Variants in CELF4 observed in about 807,000 individuals in gnomAD.
The protein encoded by CELF4 is CUG-BP- and ETR-3-like factor 4.
A neutral mutation model predicts 59.9 loss-of-function variants in CELF4; 18 were observed. The observed-to-expected ratio is 0.30, with a 90% CI of 0.21 to 0.45. The LOEUF is 0.45. Ranked by LOEUF, CELF4 falls within the 20% of genes least tolerant of loss-of-function variation. CELF4 has a pLI of 1.00. For synonymous variants in CELF4, 261 were observed against 267.1 expected, an observed-to-expected ratio of 0.98 and a Z score of 0.22; for missense variants, 456 against 689.0, an observed-to-expected ratio of 0.66 and a Z score of 3.79.
At chr18:37,556,530 T>A (rs1241557349) in intron 1 of CELF4, among the ~76,000 whole-genome samples, 1 of 152,170 alleles carries the variant, frequency 6.6e-6, no homozygotes, top group Non-Finnish European at 1.5e-5. Context: ...CTTTTTGTGC[T>A]TGTGTGTGTT....
chr18:37,536,841 G>T (rs937106071), intron 1 of CELF4, among the ~76,000 whole-genome samples: 1 of 152,206 alleles, frequency 6.6e-6, no homozygotes, highest in African/African-American at 2.4e-5. Context: ...CTGGAGGGAG[G>T]CTTGGAGGAC....
intron 2 of CELF4, among the ~76,000 whole-genome samples, chr18:37,385,723 A>G (rs1346383605): frequency 6.6e-6 from 1 of 152,170 alleles, no homozygotes; most frequent in Non-Finnish European, 1.5e-5. Flanking sequence ...ACACACCTAC[A>G]GTTTTGTTTC....
At position 37,529,027 on chromosome 18, in the gene CELF4, A is replaced by T. The variant is rs551727698; in HGVS notation, c.286+36329T>A. Reference sequence around the variant, plus strand: ...CCCCAAATTGCTACTTTCCCAGAGGATGGAGGCTCTAGGGTAGGATGACCC... The same window carrying T: ...CCCCAAATTGCTACTTTCCCAGAGGTTGGAGGCTCTAGGGTAGGATGACCC... On this transcript the variant is annotated intron_variant, in intron 1 of 12. Transcript: ENST00000420428. The T allele has an allele frequency of 4.6e-5, 7 of 152,100 alleles. No individual in the cohort carries two copies. In the South Asian group the frequency reaches 1.0e-3, roughly 23 times the overall value. 9.4% of individuals were successfully genotyped at this position (152,100 alleles called of 1,614,324 possible). A position where few individuals can be genotyped will look rare whatever the true frequency, so the allele number is the denominator to read the frequency against.
At chr18:37,358,292 A>G (rs1432735931) in intron 2 of CELF4, among the ~76,000 whole-genome samples, 1 of 152,154 alleles carries the variant, frequency 6.6e-6, no homozygotes, top group Non-Finnish European at 1.5e-5. Context: ...TGGCAGTTTT[A>G]AAAACGGGAG....
intron 12 of CELF4, among the ~76,000 whole-genome samples, chr18:37,250,946 C>T (rs2065101424): frequency 6.6e-6 from 1 of 151,972 alleles, no homozygotes; most frequent in Non-Finnish European, 1.5e-5. Flanking sequence ...GATGGCTGAC[C>T]CCAGAAAAGT....
chr18:37,330,418 A>G (rs1195589732), intron 2 of CELF4, among the ~76,000 whole-genome samples: 1 of 152,166 alleles, frequency 6.6e-6, no homozygotes, highest in Non-Finnish European at 1.5e-5. Context: ...CATTATTTCT[A>G]GCTTGTTGTA....
chr18:37,540,634 G>A (rs556141382), intron 1 of CELF4, among the ~76,000 whole-genome samples: 24 of 152,280 alleles, frequency 1.6e-4, no homozygotes, highest in African/African-American at 4.6e-4. Flanking sequence ...TCACCACTGT[G>A]AATCTGGCTG....
intron 1 of CELF4, among the ~76,000 whole-genome samples, 200 bp downstream of exon 1, chr18:37,565,156 G>C (rs1426741805): frequency 6.6e-6 from 1 of 151,934 alleles, no homozygotes; most frequent in African/African-American, 2.4e-5. Context: ...TCAGCACCTC[G>C]CCCAAAACCC....
At chr18:37,274,616 A>G (rs954842803) in intron 5 of CELF4, 162 bp from the exon 6 acceptor site, 2 of 1,518,570 alleles carry the variant, frequency 1.3e-6, no homozygotes, top group Non-Finnish European at 1.8e-6. Context: ...CACCGCGGGC[A>G]TTTTCCACCT....
Position 37,302,553 on chromosome 18 carries a change from C to A in CELF4, c.448+19250G>T, listed in dbSNP as rs576473135. Among the ~76,000 whole-genome samples the A allele has an allele frequency of 4.5e-4, 69 of 152,290 alleles. 1 individual carries two copies. Among genetic ancestry groups the A allele is most frequent in the African/African-American group, 1.6e-3 (67 of 41,568 alleles). ...GGAGGATGCACATCAGTGACCACAT[C>A]TGAAGACGCTGGGATGACACTGGAA... On this transcript the variant is annotated intron_variant, in intron 3 of 12. Transcript: ENST00000420428.
intron 3 of CELF4, among the ~76,000 whole-genome samples, chr18:37,278,449 G>A (rs2093684024): frequency 6.6e-6 from 1 of 152,202 alleles, no homozygotes; most frequent in African/African-American, 2.4e-5. Flanking sequence ...CTCAGACCAG[G>A]GGCTGGAGGG....
chr18:37,357,086 G>A (rs931828132), intron 2 of CELF4, among the ~76,000 whole-genome samples: 1 of 152,218 alleles, frequency 6.6e-6, no homozygotes, highest in Non-Finnish European at 1.5e-5. Flanking sequence ...TGCCCATGGG[G>A]ACTACATAGG....
chr18:37,514,650 G>A (rs2099948582), intron 1 of CELF4, among the ~76,000 whole-genome samples: 1 of 152,114 alleles, frequency 6.6e-6, no homozygotes, highest in Admixed American at 6.5e-5. Flanking sequence ...CTTCAGAAAA[G>A]CAAAGGGAAT....
chr18:37,491,572 A>C (rs1390005468), intron 1 of CELF4, among the ~76,000 whole-genome samples: 1 of 151,854 alleles, frequency 6.6e-6, no homozygotes, highest in Non-Finnish European at 1.5e-5. Flanking sequence ...AAGAGGGACT[A>C]TGGGGGTGGG....
At chr18:37,409,097 C>T (rs1207541628) in intron 2 of CELF4, among the ~76,000 whole-genome samples, 2 of 152,208 alleles carry the variant, frequency 1.3e-5, no homozygotes, top group Admixed American at 1.3e-4. Context: ...GGTGGCCATG[C>T]GGAAGAAACC....
At chr18:37,473,915 C>A (rs2099841396) in intron 2 of CELF4, 1 of 152,220 alleles carries the variant, frequency 6.6e-6, no homozygotes, top group South Asian at 2.1e-4. Flanking sequence ...GCTAGGGTGG[C>A]CCTGTGACAT....
intron 1 of CELF4, among the ~76,000 whole-genome samples, chr18:37,564,406 C>A (rs1164283452): frequency 6.6e-6 from 1 of 152,144 alleles, no homozygotes; most frequent in East Asian, 1.9e-4. Context: ...AACAGGCAGG[C>A]TGCGGACAAT....
In CELF4 at chr18:37,422,920, G is replaced by A. The variant is rs2099587275; in HGVS notation, c.369+62605C>T. On this transcript the variant is annotated intron_variant, in intron 2 of 12. Transcript: ENST00000420428. ...CATGAGCACAACGCAAAATTTCCCT[G>A]TTTTCTTCAGTACAGTGCCCATCCC... 2.6e-5 allele frequency among the ~76,000 whole-genome samples: 4 copies of A among 152,196 alleles called. No individual in the cohort carries two copies. The South Asian group carries it at 8.3e-4, about 32-fold the overall frequency.
chr18:37,353,843 A>G (rs1358834420), intron 2 of CELF4, among the ~76,000 whole-genome samples: 3 of 139,490 alleles, frequency 2.2e-5, no homozygotes, highest in Non-Finnish European at 4.6e-5. Flanking sequence ...TGCCAGCTCC[A>G]CCTCCTGGGT....
Sources: gnomAD v4.1 joint callset for allele counts (sites outside exome capture counted in the v4.1 genomes callset) on GRCh38, gnomAD v4.1.1 for gene constraint, MANE v1.5 for transcripts, NCBI Gene and HGNC (gene_info 2026-07-23, HGNC 2026-07-21) for gene names.